Variants in PCDHA1 observed in about 807,000 individuals in gnomAD.
The protein encoded by PCDHA1 is protocadherin alpha-1.
PCDHA1 carries 42 observed loss-of-function variants against 61.3 expected under a neutral mutation model. The observed-to-expected ratio is 0.69, with a 90% CI of 0.54 to 0.89. The LOEUF (loss-of-function observed/expected upper bound fraction) is 0.89, where lower values mean the gene tolerates loss of function less well. PCDHA1 is among the 40% of genes least tolerant of loss of function. The pLI, the probability that PCDHA1 is intolerant of heterozygous loss-of-function variation, is 0.00. For synonymous variants in PCDHA1, 610 were observed against 553.8 expected (o/e 1.10, Z -1.43); for missense variants, 1,256 against 1,235.3 (o/e 1.02, Z -0.25).
Position 140,795,668 on chromosome 5 carries a change from T to C in PCDHA1, c.2394+6984T>C, listed in dbSNP as rs781812595. On this transcript the variant is annotated intron_variant, in intron 1 of 3. Coordinates refer to ENST00000504120, the MANE Select transcript of PCDHA1 (RefSeq NM_018900.4). ...CAAATACTTATTAAGGTATTAGATGTAAATGACAATGAACCAACTTTTGCC... is the reference window on the plus strand; with the variant it reads ...CAAATACTTATTAAGGTATTAGATGCAAATGACAATGAACCAACTTTTGCC... 2.5e-6 allele frequency: 4 copies of C among 1,613,968 alleles called. No individual in the cohort carries two copies. In the African/African-American group the frequency reaches 5.3e-5, roughly 22 times the overall value.
At chr5:140,907,647 G>A (rs1336039908) in intron 1 of PCDHA1, among the ~76,000 whole-genome samples, 1 of 152,192 alleles carries the variant, frequency 6.6e-6, no homozygotes, top group East Asian at 1.9e-4. Flanking sequence ...CTGGCAAATT[G>A]GGCACTCAGC....
chr5:140,967,387 T>A (rs1158599127), intron 1 of PCDHA1: 4 of 1,609,114 alleles, frequency 2.5e-6, no homozygotes, highest in Non-Finnish European at 3.4e-6. Flanking sequence ...GTAAAGTGCT[T>A]GAGCTGGTGC....
At chr5:140,939,051 T>G (rs1359303875) in intron 1 of PCDHA1, among the ~76,000 whole-genome samples, 1 of 152,236 alleles carries the variant, frequency 6.6e-6, no homozygotes, top group East Asian at 1.9e-4. Flanking sequence ...TTAGTCCATT[T>G]GGGCTGCTAT....
intron 1 of PCDHA1, chr5:140,875,217 C>G (rs1554167556): frequency 2.7e-6 from 2 of 734,894 alleles, no homozygotes; most frequent in African/African-American, 3.5e-5. Flanking sequence ...CCGAAAAGAA[C>G]CTCAGGATCT....
intron 2 of PCDHA1, among the ~76,000 whole-genome samples, chr5:140,979,312 C>G (rs1419194517): frequency 1.3e-5 from 2 of 152,166 alleles, no homozygotes; most frequent in Admixed American, 6.5e-5. Flanking sequence ...CCCTCTCTAC[C>G]TATGCTTTCT....
intron 1 of PCDHA1, among the ~76,000 whole-genome samples, chr5:140,950,992 G>A (rs2094539287): frequency 6.6e-6 from 1 of 151,384 alleles, no homozygotes; most frequent in Admixed American, 6.6e-5. Flanking sequence ...GCCTCTTTTA[G>A]CTCCATTTTT....
chr5:140,821,875 A>G (rs2150111512), intron 1 of PCDHA1: 1 of 1,614,180 alleles, frequency 6.2e-7, no homozygotes, highest in Admixed American at 1.7e-5. Flanking sequence ...CCACTACTCG[A>G]TCCCGGAGGA....
At chr5:140,871,015 G>C in intron 1 of PCDHA1, 1 of 1,613,244 alleles carries the variant, frequency 6.2e-7, no homozygotes, top group Non-Finnish European at 8.5e-7. Context: ...TGCCCTGGAC[G>C]AGGCAGACTC....
intron 1 of PCDHA1, among the ~76,000 whole-genome samples, chr5:140,936,534 T>C (rs1327354780): frequency 1.3e-5 from 2 of 152,230 alleles, no homozygotes; most frequent in African/African-American, 2.4e-5. Context: ...TGCTTTTGAA[T>C]ATAGTGCAAT....
intron 1 of PCDHA1, among the ~76,000 whole-genome samples, chr5:140,975,776 A>G (rs1554237009): frequency 1.3e-5 from 2 of 152,152 alleles, no homozygotes; most frequent in African/African-American, 2.4e-5. Flanking sequence ...AGATAATACC[A>G]TTACAAGATA....
At chr5:140,878,735 C>T (rs2057715661) in intron 1 of PCDHA1, among the ~76,000 whole-genome samples, 1 of 152,198 alleles carries the variant, frequency 6.6e-6, no homozygotes, top group Non-Finnish European at 1.5e-5. Context: ...AGCCTTATAT[C>T]TACTTTCTTA....
chr5:140,824,610 G>GTTGTTTTTTTTTTTTT (rs1768193318), intron 1 of PCDHA1: 3 of 95,112 alleles, frequency 3.2e-5, no homozygotes, highest in African/African-American at 1.5e-4. Context: ...GCTAATTAAA[G>GTTGTTTTTTTTTTTTT]TTTTTTTTTT....
chr5:140,833,767 C>CA (rs1772642182), intron 1 of PCDHA1, among the ~76,000 whole-genome samples: 1 of 151,616 alleles, frequency 6.6e-6, no homozygotes, highest in Non-Finnish European at 1.5e-5. Flanking sequence ...CACACACACA[C>CA]CGCTTTCTAA....
intron 1 of PCDHA1, among the ~76,000 whole-genome samples, chr5:140,941,214 C>CCTTTCTTTCTTCCTTTCTTTCTTT (rs2092876516): frequency 2.3e-4 from 28 of 122,490 alleles, no homozygotes; most frequent in Middle Eastern, 4.2e-3. Context: ...TTTCTTTCTT[C>CCTTTCTTTCTTCCTTTCTTTCTTT]CTTTCTTTCT....
intron 1 of PCDHA1, chr5:140,927,527 C>A (rs1554204693): frequency 6.2e-7 from 1 of 1,614,084 alleles, no homozygotes. Flanking sequence ...GGGCTACCTG[C>A]CCGCTCAGGA....
Position 140,884,585 on chromosome 5 carries a change from A to G in PCDHA1, c.2395-94364A>G, listed in dbSNP as rs2060279044. 1.9e-6 allele frequency: 3 copies of G among 1,614,072 alleles called. No individual in the cohort carries two copies. The South Asian group carries it at 3.3e-5, about 18-fold the overall frequency. On this transcript the variant is annotated intron_variant, in intron 1 of 3. Coordinates refer to ENST00000504120, the MANE Select transcript of PCDHA1 (RefSeq NM_018900.4). ...GCATAAGACGGACCTCATGGCCTTC[A>G]GTCCCAGCCTTCCTCCTTGTCTGGG...
At position 140,927,438 on chromosome 5, in the gene PCDHA1, C is replaced by A. The variant is rs1446762816; in HGVS notation, c.2395-51511C>A. ...GATCGCGGGTTGACGGCAGCGAATACCCGGAGTTGGTGTTGGAGAAAGCAC... is the reference window on the plus strand; with the variant it reads ...GATCGCGGGTTGACGGCAGCGAATAACCGGAGTTGGTGTTGGAGAAAGCAC... On this transcript the variant is annotated intron_variant, in intron 1 of 3. Coordinates refer to ENST00000504120, the MANE Select transcript of PCDHA1 (RefSeq NM_018900.4). 3 of 1,614,032 alleles carry A rather than the reference C, an allele frequency of 1.9e-6. No individual in the cohort carries two copies. The Admixed American group carries it at 5.0e-5, about 27-fold the overall frequency.
At chr5:140,897,543 C>A (rs1325895994) in intron 1 of PCDHA1, among the ~76,000 whole-genome samples, 2 of 152,044 alleles carry the variant, frequency 1.3e-5, no homozygotes, top group African/African-American at 4.8e-5. Flanking sequence ...GCTGCATAGT[C>A]TTCCATGGTG....
chr5:140,855,986 G>A (rs191873949), intron 1 of PCDHA1: 1 of 1,477,690 alleles, frequency 6.8e-7, no homozygotes, highest in Non-Finnish European at 9.1e-7. Context: ...GACAGAAAAT[G>A]TCAGATCGTA....
Sources: allele counts gnomAD v4.1 joint callset (sites outside exome capture counted in the v4.1 genomes callset), GRCh38; gene constraint gnomAD v4.1.1; transcripts MANE v1.5; gene names NCBI Gene and HGNC (gene_info 2026-07-23, HGNC 2026-07-21).